ROR2: variants seen among roughly 807,000 people sequenced by gnomAD.
ROR2 encodes the protein tyrosine-protein kinase transmembrane receptor ROR2.
Under a neutral mutation model 74.9 loss-of-function variants are expected in ROR2, and 33 were observed. That is an observed-to-expected ratio of 0.44 (90% CI 0.33 to 0.59). The LOEUF (loss-of-function observed/expected upper bound fraction) is 0.59, where lower values mean the gene tolerates loss of function less well. Ranked by LOEUF, ROR2 falls within the 20% of genes least tolerant of loss-of-function variation. ROR2 has a pLI of 0.02. For missense variants in ROR2, 1,216 were observed against 1,313.8 expected, an observed-to-expected ratio of 0.93 and a Z score of 1.15; for synonymous variants, 586 against 558.7, an observed-to-expected ratio of 1.05 and a Z score of -0.69.
chr9:91,732,227 G>A (rs1837267987), intron 6 of ROR2, among the ~76,000 whole-genome samples: 2 of 152,260 alleles, frequency 1.3e-5, no homozygotes, highest in South Asian at 2.1e-4. Context: ...GCAACAACCC[G>A]TATGGATGCA....
intron 1 of ROR2, among the ~76,000 whole-genome samples, chr9:91,824,993 G>A (rs1272559657): frequency 1.3e-5 from 2 of 152,208 alleles, no homozygotes; most frequent in South Asian, 2.1e-4. Context: ...CTGGGCTTGG[G>A]TCCTGTTCCC....
intron 1 of ROR2, among the ~76,000 whole-genome samples, chr9:91,816,107 A>G (rs1827921985): frequency 6.6e-6 from 1 of 152,040 alleles, no homozygotes; most frequent in Non-Finnish European, 1.5e-5. Flanking sequence ...AAGCCGGTCC[A>G]TCGGTCATCA....
chr9:91,726,311 A>G (rs1303103410), intron 8 of ROR2, among the ~76,000 whole-genome samples: 2 of 152,166 alleles, frequency 1.3e-5, no homozygotes, highest in Non-Finnish European at 2.9e-5. Flanking sequence ...AGGCAGAAGG[A>G]GGCCCATGGA....
At chr9:91,920,723 C>T (rs529124710) in intron 1 of ROR2, among the ~76,000 whole-genome samples, 1 of 152,104 alleles carries the variant, frequency 6.6e-6, no homozygotes, top group African/African-American at 2.4e-5. Flanking sequence ...CAGATAAAAA[C>T]AAATACACAT....
intron 1 of ROR2, among the ~76,000 whole-genome samples, chr9:91,830,632 A>G (rs145447302): frequency 1.3e-5 from 2 of 152,334 alleles, no homozygotes; most frequent in African/African-American, 4.8e-5. Context: ...ATAGTGGGCA[A>G]TGGTCTTGTT....
At chr9:91,808,199 C>T (rs1827628878) in intron 1 of ROR2, among the ~76,000 whole-genome samples, 1 of 152,112 alleles carries the variant, frequency 6.6e-6, no homozygotes, top group Admixed American at 6.5e-5. Context: ...TATTAGGATC[C>T]TGCATTTTCC....
intron 4 of ROR2, among the ~76,000 whole-genome samples, chr9:91,753,072 A>G (rs562442597): frequency 3.9e-5 from 6 of 152,326 alleles, no homozygotes; most frequent in Non-Finnish European, 8.8e-5. Flanking sequence ...CAATTTAGAT[A>G]TTAATTCTCA....
In ROR2 at chr9:91,757,569, A is replaced by C. The variant is rs1825799224; in HGVS notation, c.176-10T>G. On this transcript the variant is annotated splice_polypyrimidine_tract_variant and intron_variant, in intron 2 of 8. Transcript: ENST00000375708. Reference sequence around the variant, plus strand: ...AAATTCAGAAAGTAACCTGCCAAGGAGAGCGGTCACAAAAGAGCAAGCGTC... The same window carrying C: ...AAATTCAGAAAGTAACCTGCCAAGGCGAGCGGTCACAAAAGAGCAAGCGTC... The C allele has an allele frequency of 1.2e-6, 2 of 1,612,596 alleles. No homozygotes were observed. The highest frequency in any genetic ancestry group is 8.5e-7 in the Non-Finnish European group (1 of 1,179,502).
chr9:91,730,939 C>G lies in ROR2; in HGVS notation c.1154G>C (p.Arg385Pro). Residue 385 changes from arginine to proline, a missense_variant, in exon 7 of 9, where the codon CGC becomes CCC. Physicochemically the swap from Arg to Pro is moderately radical, Grantham distance 103. Transcript: ENST00000375708. Reference sequence around the variant, plus strand: ...CGAGGGTACGTCACACAGTTCCATGCGTACGTTTTTATTCTGCGTAAAGCA... The same window carrying G: ...CGAGGGTACGTCACACAGTTCCATGGGTACGTTTTTATTCTGCGTAAAGCA... ...PWCFTQNKNVRMELCDVPSCS... is the reference protein window; with the variant it reads ...PWCFTQNKNVPMELCDVPSCS... 3.7e-6 allele frequency: 6 copies of G among 1,614,142 alleles called. No homozygotes were observed. Among genetic ancestry groups the G allele is most frequent in the Non-Finnish European group, 5.1e-6 (6 of 1,180,028 alleles).
At position 91,737,425 on chromosome 9, in the gene ROR2, A is replaced by C. The variant is rs758569279; in HGVS notation, c.588T>G (p.Leu196=). 6.2e-7 allele frequency: 1 copy of C among 1,614,032 alleles called. No individual in the cohort carries two copies. Among genetic ancestry groups the C allele is most frequent in the Non-Finnish European group, 8.5e-7 (1 of 1,180,038 alleles). ...IGNRTIYVDS[L]QMQGEIENRI... ...GGTTTTCAATCTCCCCCTGCATCTG[A>C]AGCGAGTCCACATAAATGGTCCGGT... is the stretch of plus-strand genomic sequence containing the variant. Residue 196 remains leucine, a synonymous_variant, in exon 5 of 9, where the codon CTT becomes CTG. Transcript: ENST00000375708.
intron 1 of ROR2, among the ~76,000 whole-genome samples, chr9:91,894,208 C>A (rs1314665094): frequency 6.6e-6 from 1 of 152,198 alleles, no homozygotes; most frequent in Non-Finnish European, 1.5e-5. Context: ...AGCCACGGGG[C>A]CTTTGCACTG....
chr9:91,723,381 C>A lies in ROR2; in HGVS notation c.*281G>T. 2.2e-6 allele frequency: 1 copy of A among 462,100 alleles called. No individual in the cohort carries two copies. The highest frequency in any genetic ancestry group is 3.9e-6 in the Non-Finnish European group (1 of 258,884). The allele number at this position is 462,100 out of a possible 1,614,324, so 28.6% of individuals were successfully genotyped here. On this transcript the variant is annotated 3_prime_UTR_variant, in exon 9 of 9. Coordinates refer to ENST00000375708, the MANE Select transcript of ROR2 (RefSeq NM_004560.4). The stretch of plus-strand genomic sequence containing the variant: ...CATTTGCTGCTCACTACCAGTCTAC[C>A]ACCAGAATCAATGTATACAGCCCTG...
intron 1 of ROR2, among the ~76,000 whole-genome samples, chr9:91,924,488 G>A (rs939215098): frequency 6.6e-6 from 1 of 152,224 alleles, no homozygotes; most frequent in African/African-American, 2.4e-5. Context: ...AGATTGCTGA[G>A]TTCACCTCAA....
chr9:91,773,247 G>T (rs1037848240), intron 2 of ROR2, among the ~76,000 whole-genome samples: 1 of 152,214 alleles, frequency 6.6e-6, no homozygotes, highest in Admixed American at 6.5e-5. Flanking sequence ...GGAAATATCA[G>T]AGTCTATGGA....
At chr9:91,774,127 A>G (rs569058030) in intron 2 of ROR2, among the ~76,000 whole-genome samples, 5 of 152,164 alleles carry the variant, frequency 3.3e-5, no homozygotes, top group Admixed American at 6.5e-5. Context: ...AACAAAAACT[A>G]TTTTTCTTCC....
At chr9:91,867,244 C>G (rs1829661482) in intron 1 of ROR2, among the ~76,000 whole-genome samples, 2 of 152,178 alleles carry the variant, frequency 1.3e-5, no homozygotes, top group African/African-American at 4.8e-5. Context: ...GTATATCTTT[C>G]CCCACTAAAA....
At chr9:91,929,168 C>A (rs548485092) in intron 1 of ROR2, among the ~76,000 whole-genome samples, 1 of 152,176 alleles carries the variant, frequency 6.6e-6, no homozygotes, top group Admixed American at 6.5e-5. Context: ...AATAAAAGAG[C>A]GCTATGATCA....
chr9:91,917,942 C>T (rs554691527), intron 1 of ROR2, among the ~76,000 whole-genome samples: 2 of 152,284 alleles, frequency 1.3e-5, no homozygotes, highest in South Asian at 4.1e-4. Context: ...GTCCCAGTAA[C>T]CTCCACCCAG....
At position 91,735,163 on chromosome 9, in the gene ROR2, G is replaced by A. The variant is rs1215334821; in HGVS notation, c.623-1727C>T. 2.6e-5 allele frequency among the ~76,000 whole-genome samples: 4 copies of A among 152,286 alleles called. No individual in the cohort carries two copies. In the East Asian group the frequency reaches 7.7e-4, roughly 29 times the overall value. ...TTCTCCTTCTCCTCACCCTGAGAAT[G>A]TACTGCTTATTTCTGAAAGTGCAAT... On this transcript the variant is annotated intron_variant, in intron 5 of 8. Coordinates refer to ENST00000375708, the MANE Select transcript of ROR2 (RefSeq NM_004560.4).
Sources: gnomAD v4.1 joint callset for allele counts (sites outside exome capture counted in the v4.1 genomes callset) on GRCh38, gnomAD v4.1.1 for gene constraint, MANE v1.5 for transcripts, NCBI Gene and HGNC (gene_info 2026-07-23, HGNC 2026-07-21) for gene names.